The following TOM1L2 variants were observed in gnomAD, a reference collection of about 807,000 sequenced individuals.
The protein encoded by TOM1L2 is target of myb1 like 2 membrane trafficking protein, also known as TOM1-like protein 2.
Under a neutral mutation model 67.9 loss-of-function variants are expected in TOM1L2, and 31 were observed. The observed-to-expected ratio is 0.46, with a 90% CI of 0.34 to 0.62. TOM1L2 has a LOEUF of 0.62. Ranked by LOEUF, TOM1L2 falls within the 20% of genes least tolerant of loss-of-function variation. The pLI, the probability that TOM1L2 is intolerant of heterozygous loss-of-function variation, is 0.01. For missense variants in TOM1L2, 606 were observed against 663.5 expected (o/e 0.91, Z 0.95); for synonymous variants, 256 against 254.0 (o/e 1.01, Z -0.07).
chr17:17,927,477 C>A (rs761264925), intron 1 of TOM1L2, among the ~76,000 whole-genome samples: 3 of 152,122 alleles, frequency 2.0e-5, no homozygotes, highest in Non-Finnish European at 4.4e-5. Context: ...AACTCAACCT[C>A]AATGTGATAC....
intron 1 of TOM1L2, among the ~76,000 whole-genome samples, chr17:17,960,689 CAG>C (rs1312957029): frequency 6.6e-6 from 1 of 152,100 alleles, no homozygotes; most frequent in Non-Finnish European, 1.5e-5. Context: ...ATATGACTGA[CAG>C]GCCTGGGTGA....
At chr17:17,914,239 C>G (rs372567375) in intron 1 of TOM1L2, among the ~76,000 whole-genome samples, 5 of 152,178 alleles carry the variant, frequency 3.3e-5, no homozygotes, top group African/African-American at 4.8e-5. Context: ...CCCAGCACAC[C>G]TGGGGCTCAT....
intron 12 of TOM1L2, among the ~76,000 whole-genome samples, chr17:17,853,247 T>C (rs1044536784): frequency 6.6e-6 from 1 of 152,202 alleles, no homozygotes; most frequent in South Asian, 2.1e-4. Context: ...GAGAAAATAG[T>C]CCCACACTAG....
chr17:17,962,698 G>A (rs933366185), intron 1 of TOM1L2, among the ~76,000 whole-genome samples: 3 of 152,080 alleles, frequency 2.0e-5, no homozygotes, highest in African/African-American at 7.2e-5. Flanking sequence ...GGTGGCTCAC[G>A]CCTGTAATCT....
chr17:17,954,303 T>C (rs2041335926), intron 1 of TOM1L2, among the ~76,000 whole-genome samples: 1 of 144,104 alleles, frequency 6.9e-6, no homozygotes, highest in Non-Finnish European at 1.5e-5. Context: ...GCTACATTTA[T>C]AAATCATTCT....
chr17:17,916,882 G>A (rs558332983), intron 1 of TOM1L2, among the ~76,000 whole-genome samples: 1 of 152,136 alleles, frequency 6.6e-6, no homozygotes, highest in Non-Finnish European at 1.5e-5. Flanking sequence ...AATTAGCCAG[G>A]CACAGTGGCT....
At chr17:17,923,919 T>C (rs139449587) in intron 1 of TOM1L2, among the ~76,000 whole-genome samples, 70 of 151,704 alleles carry the variant, frequency 4.6e-4, no homozygotes, top group African/African-American at 1.5e-3. Context: ...GGGCAGATCA[T>C]AAGGTCAGGA....
chr17:17,866,946 GAAGT>G, intron 8 of TOM1L2, 22 bp from the exon 9 acceptor site: 1 of 1,613,470 alleles, frequency 6.2e-7, no homozygotes. Flanking sequence ...AGGGAAAGCA[GAAGT>G]AAGGAGAGAG....
intron 12 of TOM1L2, 110 bp from the exon 13 acceptor site, chr17:17,851,062 T>C (rs984381490): frequency 3.3e-6 from 4 of 1,228,794 alleles, no homozygotes; most frequent in Non-Finnish European, 3.5e-6. Flanking sequence ...AAAACCAAAA[T>C]GTACACAGAG....
At chr17:17,865,660 C>T (rs1039916269) in intron 10 of TOM1L2, among the ~76,000 whole-genome samples, 6 of 150,138 alleles carry the variant, frequency 4.0e-5, no homozygotes, top group African/African-American at 1.2e-4. Flanking sequence ...ATTACGCGCC[C>T]GGCCTTGACC....
At chr17:17,958,202 A>T (rs757209796) in intron 1 of TOM1L2, among the ~76,000 whole-genome samples, 1 of 152,222 alleles carries the variant, frequency 6.6e-6, no homozygotes, top group Non-Finnish European at 1.5e-5. Flanking sequence ...AAAACAAACG[A>T]ACGAACAAAC....
intron 1 of TOM1L2, among the ~76,000 whole-genome samples, chr17:17,923,568 T>C (rs912534798): frequency 1.3e-5 from 2 of 152,046 alleles, no homozygotes; most frequent in Non-Finnish European, 2.9e-5. Context: ...TGAGCATCTG[T>C]AGTTTCACCT....
intron 1 of TOM1L2, among the ~76,000 whole-genome samples, chr17:17,952,573 T>G (rs2041258048): frequency 6.6e-6 from 1 of 151,898 alleles, no homozygotes; most frequent in African/African-American, 2.4e-5. Context: ...TTAAATATTC[T>G]TTGTAGCAAC....
At chr17:17,926,058 C>T (rs2040070629) in intron 1 of TOM1L2, among the ~76,000 whole-genome samples, 1 of 151,826 alleles carries the variant, frequency 6.6e-6, no homozygotes, top group South Asian at 2.1e-4. Flanking sequence ...GTAGTCCCAG[C>T]TACTCCACAG....
intron 1 of TOM1L2, among the ~76,000 whole-genome samples, chr17:17,912,486 G>A (rs1455307371): frequency 6.7e-6 from 1 of 149,888 alleles, no homozygotes; most frequent in Non-Finnish European, 1.5e-5. Context: ...GCCGGGCAGA[G>A]ACACTCCTCA....
intron 1 of TOM1L2, among the ~76,000 whole-genome samples, chr17:17,971,691 C>T (rs1355469682): frequency 6.6e-6 from 1 of 152,248 alleles, no homozygotes; most frequent in Non-Finnish European, 1.5e-5. Context: ...TGGATAAAGA[C>T]ACATGCAGTG....
intron 1 of TOM1L2, among the ~76,000 whole-genome samples, chr17:17,909,102 A>G (rs1409936249): frequency 1.3e-5 from 2 of 152,172 alleles, no homozygotes; most frequent in Non-Finnish European, 2.9e-5. Flanking sequence ...AATGGCGTAA[A>G]CCCAGGAGGC....
chr17:17,900,053 A>C (rs1321744003), intron 2 of TOM1L2, among the ~76,000 whole-genome samples: 2 of 151,574 alleles, frequency 1.3e-5, no homozygotes, highest in Admixed American at 6.6e-5. Context: ...CTTTACTGAA[A>C]TATACAAAAA....
chr17:17,867,326 C>G (rs1184808256), intron 8 of TOM1L2, among the ~76,000 whole-genome samples: 1 of 152,142 alleles, frequency 6.6e-6, no homozygotes, highest in Non-Finnish European at 1.5e-5. Context: ...CCCAACTCAG[C>G]CTCTGGGGAA....
Sources: allele counts gnomAD v4.1 joint callset (sites outside exome capture counted in the v4.1 genomes callset), GRCh38; gene constraint gnomAD v4.1.1; transcripts MANE v1.5; gene names NCBI Gene and HGNC (gene_info 2026-07-23, HGNC 2026-07-21).